Variants in SKAP1 observed in about 807,000 individuals in gnomAD.
SKAP1 encodes src kinase associated phosphoprotein 1.
In SKAP1, 44 loss-of-function variants were observed where a neutral mutation model predicts 58.5. The ratio of observed to expected loss-of-function variants is 0.75; its 90% confidence interval spans 0.59 to 0.97. The LOEUF is 0.97. Ranked by LOEUF, SKAP1 falls within the 50% of genes least tolerant of loss-of-function variation. SKAP1 has a pLI of 0.00. For missense variants in SKAP1, 390 were observed against 435.2 expected, an observed-to-expected ratio of 0.90 and a Z score of 0.92; for synonymous variants, 127 against 149.7, an observed-to-expected ratio of 0.85 and a Z score of 1.11.
At chr17:48,371,323 T>C (rs1045534416) in intron 2 of SKAP1, among the ~76,000 whole-genome samples, 1 of 152,100 alleles carries the variant, frequency 6.6e-6, no homozygotes, top group African/African-American at 2.4e-5. Flanking sequence ...GAAAACATTG[T>C]CAGGCTTCTG....
chr17:48,404,019 G>A (rs925015826), intron 1 of SKAP1, among the ~76,000 whole-genome samples: 1 of 151,454 alleles, frequency 6.6e-6, no homozygotes, highest in African/African-American at 2.4e-5. Flanking sequence ...AACCTGGGAG[G>A]CGGAGAGTGC....
chr17:48,345,883 A>T, intron 4 of SKAP1, 22 bp downstream of exon 4: 14 of 1,562,518 alleles, frequency 9.0e-6, no homozygotes, highest in Non-Finnish European at 1.2e-5. Flanking sequence ...AGTCACCCAA[A>T]ATCCAGAAGG....
chr17:48,424,202 A>G (rs1345154206), intron 1 of SKAP1, among the ~76,000 whole-genome samples: 4 of 149,816 alleles, frequency 2.7e-5, no homozygotes, highest in African/African-American at 9.8e-5. Flanking sequence ...GGAAGGAGTA[A>G]GGCAGTTTTC....
At chr17:48,182,840 A>G (rs543876454) in intron 7 of SKAP1, among the ~76,000 whole-genome samples, 1 of 152,330 alleles carries the variant, frequency 6.6e-6, no homozygotes, top group African/African-American at 2.4e-5. Context: ...TCAAGAGGAG[A>G]CAGGGAGCAC....
chr17:48,158,847 C>G (rs1019189747), intron 11 of SKAP1, among the ~76,000 whole-genome samples: 3 of 151,628 alleles, frequency 2.0e-5, no homozygotes, highest in African/African-American at 7.3e-5. Flanking sequence ...GTAGTCCCAG[C>G]TACTCGGGAG....
intron 1 of SKAP1, among the ~76,000 whole-genome samples, chr17:48,415,900 A>G (rs1014287451): frequency 1.3e-5 from 2 of 152,152 alleles, no homozygotes; most frequent in African/African-American, 4.8e-5. Context: ...AACAAGAGGA[A>G]GCAAGTAGAA....
intron 4 of SKAP1, among the ~76,000 whole-genome samples, chr17:48,236,684 G>A (rs1447492447): frequency 6.6e-6 from 1 of 152,176 alleles, no homozygotes; most frequent in African/African-American, 2.4e-5. Context: ...AAATCTTGAA[G>A]GAAGAGAAGG....
chr17:48,138,409 T>TC (rs2063727938), intron 11 of SKAP1, among the ~76,000 whole-genome samples: 1 of 143,612 alleles, frequency 7.0e-6, no homozygotes. Flanking sequence ...TGGCTCTGTC[T>TC]CCCAGGCTGG....
intron 12 of SKAP1, among the ~76,000 whole-genome samples, chr17:48,134,582 C>T (rs2063675775): frequency 6.6e-6 from 1 of 152,034 alleles, no homozygotes; most frequent in Non-Finnish European, 1.5e-5. Context: ...TCCCAAAGTG[C>T]TGGGATTACA....
intron 3 of SKAP1, among the ~76,000 whole-genome samples, chr17:48,350,539 CA>C (rs1488738079): frequency 6.6e-6 from 1 of 151,954 alleles, no homozygotes; most frequent in Non-Finnish European, 1.5e-5. Context: ...ACTAAAAATA[CA>C]AAAAAATTAG....
intron 3 of SKAP1, among the ~76,000 whole-genome samples, chr17:48,354,707 G>C (rs1458806674): frequency 6.6e-6 from 1 of 152,152 alleles, no homozygotes; most frequent in Non-Finnish European, 1.5e-5. Context: ...AAGTTTCTGA[G>C]AGAAGCATGT....
At chr17:48,192,055 C>T (rs763546830) in intron 4 of SKAP1, among the ~76,000 whole-genome samples, 1 of 152,028 alleles carries the variant, frequency 6.6e-6, no homozygotes, top group Non-Finnish European at 1.5e-5. Context: ...GTGGCACAAA[C>T]CTGTAGTCCC....
intron 2 of SKAP1, among the ~76,000 whole-genome samples, chr17:48,375,957 C>T (rs1454872060): frequency 6.6e-6 from 1 of 152,016 alleles, no homozygotes; most frequent in Non-Finnish European, 1.5e-5. Context: ...TAGAGACTGG[C>T]TAGGAGGAGA....
At chr17:48,225,272 A>G (rs893590860) in intron 4 of SKAP1, among the ~76,000 whole-genome samples, 1 of 152,194 alleles carries the variant, frequency 6.6e-6, no homozygotes, top group East Asian at 1.9e-4. Flanking sequence ...GTGCTTACTC[A>G]ACATTTTAAA....
intron 3 of SKAP1, among the ~76,000 whole-genome samples, chr17:48,355,408 G>T (rs2066862445): frequency 6.6e-6 from 1 of 152,076 alleles, no homozygotes; most frequent in African/African-American, 2.4e-5. Flanking sequence ...CTCCAAAGTA[G>T]CTGGGACCAC....
At chr17:48,235,848 T>C (rs1231122632) in intron 4 of SKAP1, among the ~76,000 whole-genome samples, 1 of 152,160 alleles carries the variant, frequency 6.6e-6, no homozygotes, top group Non-Finnish European at 1.5e-5. Flanking sequence ...CAGGAGCCTA[T>C]AGTCAAATAT....
chr17:48,283,098 A>T (rs2065787690), intron 4 of SKAP1, among the ~76,000 whole-genome samples: 1 of 152,160 alleles, frequency 6.6e-6, no homozygotes, highest in South Asian at 2.1e-4. Context: ...ACACCAATGA[A>T]GTTGTGGCTT....
intron 4 of SKAP1, among the ~76,000 whole-genome samples, chr17:48,222,636 C>T (rs1203049557): frequency 2.0e-5 from 3 of 151,852 alleles, no homozygotes; most frequent in Non-Finnish European, 4.4e-5. Context: ...CCTGCCACCA[C>T]ACTTGGCTAA....
intron 3 of SKAP1, among the ~76,000 whole-genome samples, chr17:48,362,948 T>C (rs1042563964): frequency 6.6e-6 from 1 of 152,224 alleles, no homozygotes; most frequent in African/African-American, 2.4e-5. Flanking sequence ...TCTAAAACTC[T>C]GTGATTATCT....
Sources: gnomAD v4.1 joint callset for allele counts (sites outside exome capture counted in the v4.1 genomes callset) on GRCh38, gnomAD v4.1.1 for gene constraint, MANE v1.5 for transcripts, NCBI Gene and HGNC (gene_info 2026-07-23, HGNC 2026-07-21) for gene names.